EPHA6: variants seen among roughly 807,000 people sequenced by gnomAD.
EPHA6 encodes the protein EPH receptor A6.
In EPHA6, 50 loss-of-function variants were observed where a neutral mutation model predicts 112.0. The ratio of observed to expected loss-of-function variants is 0.45; its 90% CI spans 0.36 to 0.56. The LOEUF (loss-of-function observed/expected upper bound fraction) is 0.56. Among genes scored for constraint, EPHA6 ranks in the 20% least tolerant of loss-of-function variants. The pLI, the probability that EPHA6 is intolerant of heterozygous loss-of-function variation, is 0.00. For synonymous variants in EPHA6, 529 were observed against 490.7 expected (o/e 1.08, Z -1.03); for missense variants, 1,280 against 1,417.4 (o/e 0.90, Z 1.56).
intron 14 of EPHA6, among the ~76,000 whole-genome samples, chr3:97,703,472 T>A (rs2033509946): frequency 6.6e-6 from 1 of 152,200 alleles, no homozygotes. Context: ...AGAACAAGTT[T>A]AATGCTGTAA....
At chr3:97,256,341 A>G (rs1027590958) in intron 5 of EPHA6, among the ~76,000 whole-genome samples, 1 of 152,090 alleles carries the variant, frequency 6.6e-6, no homozygotes, top group Non-Finnish European at 1.5e-5. Flanking sequence ...ATCAAGGTGT[A>G]AGAAACACCA....
chr3:97,633,404 A>G lies in EPHA6; in HGVS notation c.2575-4469A>G, dbSNP rs550478920. Among the ~76,000 whole-genome samples the G allele has an allele frequency of 3.9e-5, 6 of 152,218 alleles. No individual in the cohort carries two copies. The East Asian group carries it at 7.8e-4, about 20-fold the overall frequency. On this transcript the variant is annotated intron_variant, in intron 13 of 17. Coordinates refer to ENST00000389672, the MANE Select transcript of EPHA6 (RefSeq NM_001080448.3). ...GAATCTGCCTTCCTGGGAAGAGACC[A>G]TATGTCATAAAAAAATTCATAGTTT... is the stretch of plus-strand genomic sequence containing the variant.
At position 96,987,687 on chromosome 3, in the gene EPHA6, G is replaced by A. The variant is rs760349835; in HGVS notation, c.808G>A (p.Val270Met). 6 of 1,607,124 alleles carry A rather than the reference G, an allele frequency of 3.7e-6. No homozygotes were observed. Among genetic ancestry groups the A allele is most frequent in the African/African-American group, 2.7e-5 (2 of 74,732 alleles). The change falls in exon 3 of 18, where the codon GTG (valine) becomes ATG (methionine). Residue 270 changes from valine to methionine, a missense_variant. This residue lies in a region of EPHA6 where 878 missense variants were observed against 999.7 expected (regional missense o/e 0.88). Transcript: ENST00000389672. ...ILKLNTEIRE[V>M]GPIERKGFYL... ...CAAACTCAACACTGAAATTCGTGAG[G>A]TGGGGCCTATAGAAAGGAAAGGATT...
chr3:97,514,452 C>CT (rs1389780211), intron 10 of EPHA6, among the ~76,000 whole-genome samples: 2 of 152,144 alleles, frequency 1.3e-5, no homozygotes, highest in Admixed American at 6.6e-5. Context: ...TCTGTAAAGT[C>CT]TTTTTTGCTA....
rs545994254 is a variant in EPHA6, at chr3:97,625,557, A to G, written c.2575-12316A>G. 4.0e-5 allele frequency among the ~76,000 whole-genome samples: 6 copies of G among 151,754 alleles called. No individual in the cohort carries two copies. The East Asian group carries it at 7.8e-4, about 20-fold the overall frequency. ...TTAGATCTAGTTGGTTTATTGTGTC[A>G]TTCAAGTCCTTTATATTCTTATCTT... is the stretch of plus-strand genomic sequence containing the variant. On this transcript the variant is annotated intron_variant, in intron 13 of 17. Coordinates refer to ENST00000389672, the MANE Select transcript of EPHA6 (RefSeq NM_001080448.3).
intron 3 of EPHA6, among the ~76,000 whole-genome samples, chr3:97,190,137 G>A (rs1219990494): frequency 6.6e-6 from 1 of 152,100 alleles, no homozygotes; most frequent in African/African-American, 2.4e-5. Context: ...CATAGGGTGT[G>A]AGAACATACT....
At chr3:97,328,605 T>C (rs2082603122) in intron 5 of EPHA6, among the ~76,000 whole-genome samples, 1 of 152,076 alleles carries the variant, frequency 6.6e-6, no homozygotes, top group African/African-American at 2.4e-5. Context: ...ACTACTCGTT[T>C]GTCAGATACA....
chr3:97,452,641 T>C (rs1017544965), intron 7 of EPHA6, among the ~76,000 whole-genome samples: 1 of 151,726 alleles, frequency 6.6e-6, no homozygotes, highest in Non-Finnish European at 1.5e-5. Flanking sequence ...AAAGTAAGAA[T>C]ATAAAAATAC....
intron 14 of EPHA6, among the ~76,000 whole-genome samples, chr3:97,640,756 G>A (rs144861562): frequency 8.2e-4 from 125 of 151,944 alleles, no homozygotes; most frequent in African/African-American, 3.0e-3. Flanking sequence ...CTCCAGCCTG[G>A]TCAACAAGAG....
chr3:97,188,419 A>G (rs967308089), intron 3 of EPHA6, among the ~76,000 whole-genome samples: 1 of 152,038 alleles, frequency 6.6e-6, no homozygotes, highest in Non-Finnish European at 1.5e-5. Flanking sequence ...ACGTATTTCT[A>G]TATTGCAAAA....
At position 96,987,896 on chromosome 3, in the gene EPHA6, T is replaced by A; in HGVS notation, c.1017T>A (p.Thr339=). ...SCVKSAEERD[T]PKLYCGADGD... Reference sequence around the variant, plus strand: ...TGAAGAGTGCTGAAGAGCGTGACACTCCTAAACTGTATTGTGGAGCTGATG... The same window carrying A: ...TGAAGAGTGCTGAAGAGCGTGACACACCTAAACTGTATTGTGGAGCTGATG... Residue 339 remains threonine (T), a synonymous_variant, in exon 3 of 18, where the codon ACT becomes ACA. Coordinates refer to ENST00000389672, the MANE Select transcript of EPHA6 (RefSeq NM_001080448.3). The A allele has an allele frequency of 6.2e-7, 1 of 1,613,816 alleles. No individual in the cohort carries two copies. The highest frequency in any genetic ancestry group is 8.5e-7 in the Non-Finnish European group (1 of 1,179,814).
At chr3:97,128,872 C>CTTTTTTTT in intron 3 of EPHA6, among the ~76,000 whole-genome samples, 1 of 117,530 alleles carries the variant, frequency 8.5e-6, no homozygotes, top group Admixed American at 9.1e-5. Flanking sequence ...ATTTTTATGT[C>CTTTTTTTT]TTTTTTTTTT....
intron 15 of EPHA6, among the ~76,000 whole-genome samples, chr3:97,726,810 T>C (rs2034791579): frequency 1.3e-5 from 2 of 151,966 alleles, no homozygotes; most frequent in South Asian, 2.1e-4. Flanking sequence ...ACTTATACCA[T>C]GTAATGTAGT....
intron 3 of EPHA6, among the ~76,000 whole-genome samples, chr3:97,049,112 C>A (rs527641856): frequency 6.6e-6 from 1 of 152,004 alleles, no homozygotes; most frequent in Non-Finnish European, 1.5e-5. Flanking sequence ...AGTGAGTGGG[C>A]GACAAGGTCA....
Position 97,500,774 on chromosome 3 carries a change from C to G in EPHA6, c.2200+16715C>G, listed in dbSNP as rs545338146. On this transcript the variant is annotated intron_variant, in intron 10 of 17. Transcript: ENST00000389672. ...ATTATCAATGGCTCATTTAAACAAG[C>G]TTGAAACCCCTAGTATCTTTTTTAG... 9.9e-5 allele frequency among the ~76,000 whole-genome samples: 15 copies of G among 152,232 alleles called. No individual in the cohort carries two copies. In the East Asian group the frequency reaches 2.9e-3, roughly 29 times the overall value.
At chr3:97,331,451 A>G (rs1484149278) in intron 5 of EPHA6, among the ~76,000 whole-genome samples, 1 of 152,178 alleles carries the variant, frequency 6.6e-6, no homozygotes, top group African/African-American at 2.4e-5. Context: ...AAAATCAATG[A>G]ATCCAGGAAC....
intron 11 of EPHA6, among the ~76,000 whole-genome samples, chr3:97,571,196 G>T (rs1022749115): frequency 1.3e-5 from 2 of 152,072 alleles, no homozygotes; most frequent in African/African-American, 4.8e-5. Context: ...AAAAAATACT[G>T]CTGCCAGGAT....
intron 2 of EPHA6, among the ~76,000 whole-genome samples, chr3:96,919,037 C>A (rs115761268): frequency 0.013 from 2,039 of 151,992 alleles, 46 homozygotes; most frequent in African/African-American, 0.044. Context: ...GTCACAATTT[C>A]TTTAAGACAA....
At chr3:96,897,278 T>G (rs1170674949) in intron 2 of EPHA6, among the ~76,000 whole-genome samples, 1 of 152,018 alleles carries the variant, frequency 6.6e-6, no homozygotes, top group Non-Finnish European at 1.5e-5. Flanking sequence ...TATATAGTGA[T>G]CTTGCCATGT....
Sources: gnomAD v4.1 joint callset for allele counts (sites outside exome capture counted in the v4.1 genomes callset) on GRCh38, gnomAD v4.1.1 for gene constraint, gnomAD v4.1.1 regional missense constraint, MANE v1.5 for transcripts, NCBI Gene and HGNC (gene_info 2026-07-23, HGNC 2026-07-21) for gene names.